The following GRM8 variants were observed in gnomAD, a reference collection of about 807,000 sequenced individuals.
GRM8 encodes glutamate metabotropic receptor 8.
GRM8 carries 47 observed loss-of-function variants against 87.2 expected under a neutral mutation model. That is an observed-to-expected ratio of 0.54 (90% CI 0.43 to 0.69). GRM8 has a LOEUF of 0.69. Ranked by LOEUF, GRM8 falls within the 30% of genes least tolerant of loss-of-function variation. The pLI, the probability that GRM8 is intolerant of heterozygous loss-of-function variation, is 0.00. For synonymous variants in GRM8, 396 were observed against 404.5 expected (o/e 0.98, Z 0.25); for missense variants, 1,019 against 1,139.2 (o/e 0.89, Z 1.52).
At chr7:126,741,195 G>A (rs2237768) in intron 7 of GRM8, among the ~76,000 whole-genome samples, 46,805 of 151,796 alleles carry the variant, frequency 0.31, 8,618 homozygotes, top group Middle Eastern at 0.44. Context: ...GGCAGTACTC[G>A]GGATCCACTG....
chr7:126,799,637 T>G (rs1822412106), intron 6 of GRM8, among the ~76,000 whole-genome samples: 1 of 152,088 alleles, frequency 6.6e-6, no homozygotes, highest in African/African-American at 2.4e-5. Flanking sequence ...TCTTCCTCCA[T>G]CCCTGGACTG....
chr7:126,949,309 A>G (rs1284069858), intron 3 of GRM8, among the ~76,000 whole-genome samples: 1 of 152,134 alleles, frequency 6.6e-6, no homozygotes, highest in Non-Finnish European at 1.5e-5. Flanking sequence ...AAGACAAAAC[A>G]TTACATTTAA....
chr7:126,926,089 T>G (rs1378250839), intron 3 of GRM8, among the ~76,000 whole-genome samples: 4 of 152,142 alleles, frequency 2.6e-5, no homozygotes, highest in Non-Finnish European at 5.9e-5. Flanking sequence ...TTGAATACTG[T>G]ATGGTTAACG....
intron 3 of GRM8, among the ~76,000 whole-genome samples, chr7:127,046,271 C>T (rs1818913352): frequency 6.6e-6 from 1 of 152,002 alleles, no homozygotes; most frequent in Non-Finnish European, 1.5e-5. Flanking sequence ...ACTCAGAAGG[C>T]TGAGGCAGGA....
intron 6 of GRM8, among the ~76,000 whole-genome samples, chr7:126,853,456 G>C (rs569260224): frequency 2.0e-5 from 3 of 152,258 alleles, no homozygotes; most frequent in African/African-American, 7.2e-5. Flanking sequence ...CTGCCTTCTA[G>C]AGACAGGAAG....
intron 3 of GRM8, among the ~76,000 whole-genome samples, chr7:127,011,851 T>C (rs1814929747): frequency 6.6e-6 from 1 of 152,196 alleles, no homozygotes; most frequent in Non-Finnish European, 1.5e-5. Flanking sequence ...ATGATGCAAC[T>C]GGCATGAATG....
chr7:127,064,687 C>T (rs1820936239), intron 3 of GRM8, among the ~76,000 whole-genome samples: 2 of 151,968 alleles, frequency 1.3e-5, no homozygotes, highest in African/African-American at 4.8e-5. Context: ...AGAGAAAACC[C>T]CATTGAAAAG....
At chr7:127,048,818 T>C (rs1313707305) in intron 3 of GRM8, among the ~76,000 whole-genome samples, 2 of 152,248 alleles carry the variant, frequency 1.3e-5, no homozygotes, top group African/African-American at 4.8e-5. Flanking sequence ...AGACTAATCA[T>C]GTATATTTTA....
intron 2 of GRM8, among the ~76,000 whole-genome samples, chr7:127,126,844 G>T (rs1827400807): frequency 6.6e-6 from 1 of 151,878 alleles, no homozygotes; most frequent in African/African-American, 2.4e-5. Context: ...TCTGATTAAA[G>T]ACTTTTACCA....
At chr7:127,194,962 G>A (rs540180827) in intron 2 of GRM8, among the ~76,000 whole-genome samples, 10 of 152,048 alleles carry the variant, frequency 6.6e-5, no homozygotes, top group Admixed American at 3.9e-4. Flanking sequence ...ATATTAAAAC[G>A]TGAAAATAAA....
chr7:127,108,532 T>C (rs1040145699), intron 2 of GRM8, among the ~76,000 whole-genome samples: 16 of 152,056 alleles, frequency 1.1e-4, no homozygotes, highest in African/African-American at 3.9e-4. Context: ...ATACCGATAC[T>C]CCCACTTCCT....
intron 9 of GRM8, among the ~76,000 whole-genome samples, chr7:126,456,363 G>C (rs1299440498): frequency 2.6e-5 from 4 of 151,298 alleles, no homozygotes; most frequent in Non-Finnish European, 5.9e-5. Context: ...AGTCTCATGG[G>C]ACTAGGGAGA....
chr7:127,191,263 A>G (rs1369479225), intron 2 of GRM8, among the ~76,000 whole-genome samples: 2 of 152,218 alleles, frequency 1.3e-5, no homozygotes, highest in African/African-American at 4.8e-5. Context: ...GAATGCTGAA[A>G]TGAAATTACA....
chr7:126,507,114 T>C (rs892375934), intron 9 of GRM8, among the ~76,000 whole-genome samples: 1 of 148,738 alleles, frequency 6.7e-6, no homozygotes, highest in African/African-American at 2.5e-5. Flanking sequence ...TATGCTTTCT[T>C]GTGGCAATCT....
intron 7 of GRM8, among the ~76,000 whole-genome samples, chr7:126,769,135 T>C (rs1329590131): frequency 6.6e-6 from 1 of 152,062 alleles, no homozygotes; most frequent in African/African-American, 2.4e-5. Flanking sequence ...ATCATTTCAT[T>C]TGAAAATAAT....
chr7:126,623,196 T>C (rs1437588242), intron 7 of GRM8, among the ~76,000 whole-genome samples: 1 of 152,168 alleles, frequency 6.6e-6, no homozygotes, highest in Non-Finnish European at 1.5e-5. Context: ...TCATACAAGA[T>C]GTTAACGGTT....
In GRM8 at chr7:126,636,334, T is replaced by C. The variant is rs1801849240; in HGVS notation, c.1358-26836A>G. 2.0e-5 allele frequency among the ~76,000 whole-genome samples: 3 copies of C among 152,192 alleles called. No homozygotes were observed. In the South Asian group the frequency reaches 6.2e-4, roughly 32 times the overall value. Reference sequence around the variant, plus strand: ...GCTTGGTTTCTAGGCCTCCCATGGATACCAAAATCCAAGGACACTCAAGTT... The same window carrying C: ...GCTTGGTTTCTAGGCCTCCCATGGACACCAAAATCCAAGGACACTCAAGTT... On this transcript the variant is annotated intron_variant, in intron 7 of 10. Coordinates refer to ENST00000339582, the MANE Select transcript of GRM8 (RefSeq NM_000845.3).
intron 2 of GRM8, among the ~76,000 whole-genome samples, chr7:127,231,590 A>C (rs1407927573): frequency 6.6e-6 from 1 of 152,196 alleles, no homozygotes; most frequent in Non-Finnish European, 1.5e-5. Context: ...TAGTGCTTTC[A>C]TTTCTGACAT....
intron 7 of GRM8, among the ~76,000 whole-genome samples, chr7:126,623,301 A>C (rs926157681): frequency 1.3e-5 from 2 of 152,168 alleles, no homozygotes; most frequent in Non-Finnish European, 2.9e-5. Flanking sequence ...AAAAAGTCTA[A>C]ATTTTTTTAA....
Sources: allele counts gnomAD v4.1 joint callset (sites outside exome capture counted in the v4.1 genomes callset), GRCh38; gene constraint gnomAD v4.1.1; transcripts MANE v1.5; gene names NCBI Gene and HGNC (gene_info 2026-07-23, HGNC 2026-07-21).